The following DNAH3 variants were observed in gnomAD, a reference collection of about 807,000 sequenced individuals.
The protein encoded by DNAH3 is axonemal beta dynein heavy chain 3.
Under a neutral mutation model 432.5 loss-of-function variants are expected in DNAH3, and 332 were observed. That is an observed-to-expected ratio of 0.77 (90% CI 0.70 to 0.84). The LOEUF (loss-of-function observed/expected upper bound fraction) is 0.84. Ranked by LOEUF, DNAH3 falls within the 40% of genes least tolerant of loss-of-function variation. DNAH3 has a pLI of 0.00. For synonymous variants in DNAH3, 1,956 were observed against 1,900.2 expected (o/e 1.03, Z -0.76); for missense variants, 4,861 against 5,114.0 (o/e 0.95, Z 1.51).
At chr16:21,110,904 T>C (rs60838193) in intron 14 of DNAH3, among the ~76,000 whole-genome samples, 1 of 151,996 alleles carries the variant, frequency 6.6e-6, no homozygotes, top group East Asian at 1.9e-4. Context: ...GATATGCAAA[T>C]AGAGGCAGGA....
At chr16:21,151,490 G>A (rs554673624) in intron 1 of DNAH3, among the ~76,000 whole-genome samples, 2 of 151,972 alleles carry the variant, frequency 1.3e-5, no homozygotes, top group Non-Finnish European at 2.9e-5. Flanking sequence ...TAGAGACGGG[G>A]TTTCACCGTG....
At chr16:21,018,010 A>G (rs979680084) in intron 41 of DNAH3, among the ~76,000 whole-genome samples, 4 of 151,992 alleles carry the variant, frequency 2.6e-5, no homozygotes, top group African/African-American at 9.7e-5. Flanking sequence ...TTTAAAAAAA[A>G]TTCAAAATTA....
intron 7 of DNAH3, chr16:21,129,368 G>C (rs1004977020): frequency 6.6e-6 from 1 of 152,428 alleles, no homozygotes; most frequent in African/African-American, 2.4e-5. Flanking sequence ...CCCATGGCTG[G>C]GTGTGTGGTT....
intron 11 of DNAH3, among the ~76,000 whole-genome samples, chr16:21,118,223 C>T (rs189601240): frequency 6.6e-6 from 1 of 152,158 alleles, no homozygotes; most frequent in Non-Finnish European, 1.5e-5. Flanking sequence ...TCAAGCAATC[C>T]ACCTGCCTCA....
rs187628654 is a variant in DNAH3 at position 20,953,857 on chromosome 16, A to G, written c.11071+956T>C. On this transcript the variant is annotated intron_variant, in intron 55 of 61. Coordinates refer to ENST00000261383, the Ensembl canonical transcript of DNAH3. Reference sequence around the variant, plus strand: ...CCTTCTCGCCTCAAGCGATCCTCCCACCTCAGCCTCCCAAAGTACTGGGAT... The same window carrying G: ...CCTTCTCGCCTCAAGCGATCCTCCCGCCTCAGCCTCCCAAAGTACTGGGAT... Among the ~76,000 whole-genome samples the G allele has an allele frequency of 2.0e-4, 30 of 149,930 alleles. 1 individual carries two copies. Among genetic ancestry groups the G allele is most frequent in the Admixed American group, 1.7e-3 (26 of 15,086 alleles).
At chr16:21,075,546 A>G (rs2090944918) in exon 21 of DNAH3, 1 of 1,613,616 alleles carries the variant, frequency 6.2e-7, no homozygotes, top group Admixed American at 1.7e-5. Flanking sequence ...TGGCAGCTGC[A>G]CCAATGGGCT....
At chr16:20,970,023 G>A (rs1404110464) in intron 51 of DNAH3, 33 bp from the exon 52 acceptor site, 3 of 1,604,440 alleles carry the variant, frequency 1.9e-6, no homozygotes, top group Admixed American at 3.3e-5. Context: ...GGAGATGAGT[G>A]CCCAGGGCCT....
chr16:20,970,047 C>G (rs141479693), intron 51 of DNAH3, 57 bp from the exon 52 acceptor site: 2 of 1,501,060 alleles, frequency 1.3e-6, no homozygotes, highest in Non-Finnish European at 1.8e-6. Context: ...ACAATGGGGG[C>G]GAAGCAGAGC....
intron 14 of DNAH3, among the ~76,000 whole-genome samples, chr16:21,109,734 CT>C (rs557821553): frequency 2.1e-3 from 299 of 143,460 alleles, no homozygotes; most frequent in African/African-American, 2.3e-3. Flanking sequence ...ATACCTCTCT[CT>C]TTTTTTTTTT....
chr16:20,958,637 A>G (rs2084678684), intron 54 of DNAH3, among the ~76,000 whole-genome samples: 1 of 152,278 alleles, frequency 6.6e-6, no homozygotes, highest in East Asian at 1.9e-4. Flanking sequence ...GGCCATTGTC[A>G]GGCCTCCAAG....
chr16:20,960,618 T>C (rs35019471), intron 53 of DNAH3, among the ~76,000 whole-genome samples: 10,843 of 152,200 alleles, frequency 0.071, 518 homozygotes, highest in East Asian at 0.17. Flanking sequence ...AGGAAAATTG[T>C]TTGAACCTGG....
intron 3 of DNAH3, 114 bp downstream of exon 4, chr16:21,145,067 G>A (rs186561882): frequency 4.7e-5 from 43 of 917,242 alleles, no homozygotes; most frequent in Admixed American, 1.9e-4. Flanking sequence ...AGCCACGATC[G>A]TGCCATGGCA....
At chr16:21,086,603 G>T (rs114115734) in intron 19 of DNAH3, among the ~76,000 whole-genome samples, 25 of 152,118 alleles carry the variant, frequency 1.6e-4, no homozygotes, top group African/African-American at 5.8e-4. Context: ...TCATTGGCTC[G>T]AACAACACTC....
At chr16:21,120,438 G>C (rs549960439) in intron 11 of DNAH3, among the ~76,000 whole-genome samples, 2 of 151,902 alleles carry the variant, frequency 1.3e-5, no homozygotes, top group Non-Finnish European at 2.9e-5. Flanking sequence ...CCATATATAC[G>C]GCAGATCTTG....
chr16:21,152,662 G>C (rs1028404310), intron 1 of DNAH3, among the ~76,000 whole-genome samples: 5 of 152,262 alleles, frequency 3.3e-5, no homozygotes, highest in African/African-American at 1.2e-4. Flanking sequence ...TTCCGGGTGG[G>C]CGTGGGCTTG....
intron 14 of DNAH3, among the ~76,000 whole-genome samples, chr16:21,109,178 C>G (rs1454660796): frequency 6.6e-6 from 1 of 151,520 alleles, no homozygotes; most frequent in Non-Finnish European, 1.5e-5. Flanking sequence ...AACTGAAGAT[C>G]CAAGAGACAA....
intron 1 of DNAH3, among the ~76,000 whole-genome samples, chr16:21,147,087 TCTC>T (rs1220687913): frequency 6.6e-6 from 1 of 152,022 alleles, no homozygotes; most frequent in Non-Finnish European, 1.5e-5. Flanking sequence ...TCATTCAGTG[TCTC>T]CTCCTCGGAT....
chr16:21,039,213 G>GTTTT lies in DNAH3; in HGVS notation c.4730+638_4730+639insAAAA, dbSNP rs1567681489. Among the ~76,000 whole-genome samples the GTTTT allele has an allele frequency of 7.8e-4, 81 of 103,632 alleles. 3 individuals carry two copies. The highest frequency in any genetic ancestry group is 9.4e-4 in the African/African-American group (24 of 25,616). 68.0% of individuals were successfully genotyped at this position (103,632 alleles called of 152,430 possible). ...ATAATTGCATATGTTTTATAGTGTTGCTTTTTTTTTTTTTTTTTTTTTTGA... is the reference window on the plus strand; with the variant it reads ...ATAATTGCATATGTTTTATAGTGTTGTTTTCTTTTTTTTTTTTTTTTTTTTTTGA... On this transcript the variant is annotated intron_variant, in intron 33 of 61. Coordinates refer to ENST00000261383, the Ensembl canonical transcript of DNAH3.
intron 41 of DNAH3, among the ~76,000 whole-genome samples, chr16:21,017,276 G>C (rs939037354): frequency 9.2e-5 from 14 of 152,126 alleles, no homozygotes; most frequent in Admixed American, 7.9e-4. Flanking sequence ...GCCTCCCTGT[G>C]GTTCATCTTG....
Sources: allele counts gnomAD v4.1 joint callset (sites outside exome capture counted in the v4.1 genomes callset), GRCh38; gene constraint gnomAD v4.1.1; transcripts MANE v1.5; gene names NCBI Gene and HGNC (gene_info 2026-07-23, HGNC 2026-07-21).